KIF3C: variants seen among roughly 807,000 people sequenced by gnomAD.
The protein encoded by KIF3C is kinesin-like protein KIF3C.
In KIF3C, 12 loss-of-function variants were observed where a neutral mutation model predicts 67.7. That is an observed-to-expected ratio of 0.18 (90% CI 0.11 to 0.29). KIF3C has a LOEUF of 0.29. Ranked by LOEUF, KIF3C falls within the 10% of genes least tolerant of loss-of-function variation. The pLI is 1.00. For synonymous variants in KIF3C, 393 were observed against 426.2 expected (o/e 0.92, Z 0.96); for missense variants, 789 against 1,059.6 (o/e 0.74, Z 3.55).
At chr2:25,957,257 G>A (rs116584058) in intron 1 of KIF3C, among the ~76,000 whole-genome samples, 132 of 152,286 alleles carry the variant, frequency 8.7e-4, no homozygotes, top group Non-Finnish European at 1.5e-3. Flanking sequence ...AGGCCATGCA[G>A]CTATTGAGTA....
intron 5 of KIF3C, among the ~76,000 whole-genome samples, chr2:25,945,620 G>A (rs1469008928): frequency 2.0e-5 from 3 of 150,936 alleles, no homozygotes; most frequent in African/African-American, 7.3e-5. Context: ...GCATGCAGTG[G>A]CTCCTGCCTG....
chr2:25,972,783 C>T (rs1226579376), intron 1 of KIF3C, among the ~76,000 whole-genome samples: 5 of 152,192 alleles, frequency 3.3e-5, no homozygotes, highest in African/African-American at 9.6e-5. Flanking sequence ...CTCTCCCAAT[C>T]GAGGTTTCTT....
At chr2:25,956,509 G>T in intron 1 of KIF3C, 65 bp from the exon 2 acceptor site, 1 of 1,287,828 alleles carries the variant, frequency 7.8e-7, no homozygotes, top group Non-Finnish European at 1.1e-6. Context: ...TAGCTGGAGA[G>T]ATTTTGCTTC....
At chr2:25,967,110 C>T (rs1664162346) in intron 1 of KIF3C, among the ~76,000 whole-genome samples, 1 of 152,190 alleles carries the variant, frequency 6.6e-6, no homozygotes, top group Non-Finnish European at 1.5e-5. Flanking sequence ...TTTGCCAACT[C>T]AGGAACCATC....
chr2:25,941,338 T>C (rs929487031), intron 5 of KIF3C, among the ~76,000 whole-genome samples: 2 of 151,586 alleles, frequency 1.3e-5, no homozygotes, highest in Admixed American at 1.3e-4. Flanking sequence ...GAAAAGAATC[T>C]AGGGTGGCTG....
In KIF3C at chr2:25,951,734, G is replaced by T; in HGVS notation, c.2006+55C>A. ...AGGCCTCAGGCCCCTCACCAGCCCCGACCTGGAGTGGACCCACAAGTCCCC... is the reference window on the plus strand; with the variant it reads ...AGGCCTCAGGCCCCTCACCAGCCCCTACCTGGAGTGGACCCACAAGTCCCC... On this transcript the variant is annotated intron_variant, in intron 5 of 7. Transcript: ENST00000264712. 3 of 1,232,186 alleles carry T rather than the reference G, an allele frequency of 2.4e-6. No homozygotes were observed. In the South Asian group the frequency reaches 3.6e-5, roughly 15 times the overall value. The allele number at this position is 1,232,186 out of a possible 1,614,324, so 76.3% of individuals were successfully genotyped here. A position where few individuals can be genotyped will look rare whatever the true frequency, so the allele number is the denominator to read the frequency against.
At chr2:25,960,081 T>C (rs1288236937) in intron 1 of KIF3C, among the ~76,000 whole-genome samples, 1 of 152,120 alleles carries the variant, frequency 6.6e-6, no homozygotes, top group African/African-American at 2.4e-5. Flanking sequence ...CAAATATCAC[T>C]GCATGTTAGA....
intron 5 of KIF3C, among the ~76,000 whole-genome samples, chr2:25,933,747 C>A (rs1014912422): frequency 9.3e-5 from 14 of 149,864 alleles, no homozygotes; most frequent in African/African-American, 3.4e-4. Flanking sequence ...TAAAGACAGA[C>A]AGTAACACAT....
chr2:25,953,835 T>G (rs2149233110), intron 4 of KIF3C, among the ~76,000 whole-genome samples: 1 of 151,692 alleles, frequency 6.6e-6, no homozygotes, highest in South Asian at 2.1e-4. Context: ...GCCCGGCTAA[T>G]TTTTGTATTT....
At position 25,981,492 on chromosome 2, in the gene KIF3C, C is replaced by A. The variant is rs1394067555; in HGVS notation, c.426G>T (p.Arg142=). The change falls in exon 1 of 8, where the codon CGG becomes CGT. Residue 142 remains arginine (R), a synonymous_variant. Transcript: ENST00000264712. This position sits in a 1 kb window ranked among gnomAD's most constrained non-coding sequence, Gnocchi z 8.2. ...CCTGGTAGATCTCCAAATAGGAGGCCCGGACCAGGTACTGTTGGTTCTGGG... is the reference window on the plus strand; with the variant it reads ...CCTGGTAGATCTCCAAATAGGAGGCACGGACCAGGTACTGTTGGTTCTGGG... ...SRSQNQQYLV[R]ASYLEIYQEE... The A allele has an allele frequency of 1.2e-6, 2 of 1,613,978 alleles. No homozygotes were observed. The highest frequency in any genetic ancestry group is 2.2e-5 in the South Asian group (2 of 91,078).
chr2:25,960,410 A>G (rs1044244436), intron 1 of KIF3C, among the ~76,000 whole-genome samples: 8 of 149,328 alleles, frequency 5.4e-5, no homozygotes, highest in Non-Finnish European at 1.5e-5. Flanking sequence ...CAGAGGTTAT[A>G]TAACCCATCC....
At chr2:25,948,650 G>A (rs1039622566) in intron 5 of KIF3C, among the ~76,000 whole-genome samples, 1 of 145,468 alleles carries the variant, frequency 6.9e-6, no homozygotes, top group African/African-American at 2.6e-5. Context: ...AAGAGAAAGA[G>A]AGAAAGAGAA....
At chr2:25,932,838 CAAAA>C (rs1409137195) in intron 5 of KIF3C, among the ~76,000 whole-genome samples, 4 of 16,566 alleles carry the variant, frequency 2.4e-4, no homozygotes, top group East Asian at 1.6e-3. Context: ...ATCTCAAAAA[CAAAA>C]CAAAACAAAA....
At chr2:25,935,718 A>C (rs1663079418) in intron 5 of KIF3C, among the ~76,000 whole-genome samples, 2 of 152,146 alleles carry the variant, frequency 1.3e-5, no homozygotes, top group African/African-American at 4.8e-5. Flanking sequence ...GGGTTGGTTA[A>C]ATTATTAGGA....
chr2:25,963,113 CATAG>C (rs1664041444), intron 1 of KIF3C, among the ~76,000 whole-genome samples: 1 of 93,580 alleles, frequency 1.1e-5, no homozygotes, highest in African/African-American at 4.2e-5. Flanking sequence ...TACATGTGTA[CATAG>C]ATACATGTAT....
chr2:25,981,838 G>T lies in KIF3C; in HGVS notation c.80C>A (p.Ala27Asp). Residue 27 changes from alanine to aspartate, a missense_variant, in exon 1 of 8, where the codon GCT (alanine) becomes GAT (aspartate). Transcript: ENST00000264712. This position sits in a 1 kb window ranked among gnomAD's most constrained non-coding sequence, Gnocchi z 8.2. ...CATGGTCAGGATCTGCTCGTGACCAGCAGCCTCCTCCTTCCTGCTGAGGGG... is the reference window on the plus strand; with the variant it reads ...CATGGTCAGGATCTGCTCGTGACCATCAGCCTCCTCCTTCCTGCTGAGGGG... ...CRPLSRKEEA[A>D]GHEQILTMDV... The T allele has an allele frequency of 6.2e-7, 1 of 1,610,276 alleles. No individual in the cohort carries two copies. Among genetic ancestry groups the T allele is most frequent in the East Asian group, 2.2e-5 (1 of 44,828 alleles).
At chr2:25,946,809 G>A (rs111835835) in intron 5 of KIF3C, among the ~76,000 whole-genome samples, 2,023 of 152,016 alleles carry the variant, frequency 0.013, 49 homozygotes, top group African/African-American at 0.046. Context: ...AGCCGAGATC[G>A]CGCCACTGCA....
intron 2 of KIF3C, 61 bp downstream of exon 2, chr2:25,956,282 C>G: frequency 1.6e-6 from 2 of 1,267,118 alleles, no homozygotes; most frequent in South Asian, 1.2e-5. Context: ...CGGCCCTGCA[C>G]CTCCCAGACA....
At position 25,942,652 on chromosome 2, in the gene KIF3C, T is replaced by G. The variant is rs572035120; in HGVS notation, c.2006+9137A>C. Among the ~76,000 whole-genome samples the G allele has an allele frequency of 9.9e-5, 15 of 152,206 alleles. No individual in the cohort carries two copies. The South Asian group carries it at 2.5e-3, about 25-fold the overall frequency. On this transcript the variant is annotated intron_variant, in intron 5 of 7. Transcript: ENST00000264712. ...CTCGAACTCCCGACCTCAGGTGATC[T>G]GCCCGCCTTGGCCTCCCAAAGTGCT... is the stretch of plus-strand genomic sequence containing the variant.
Sources: gnomAD v4.1 joint callset for allele counts (sites outside exome capture counted in the v4.1 genomes callset) on GRCh38, gnomAD v4.1.1 for gene constraint, Gnocchi (gnomAD v3.1) non-coding constraint, MANE v1.5 for transcripts, NCBI Gene and HGNC (gene_info 2026-07-23, HGNC 2026-07-21) for gene names.